Variants in CDH13 observed in about 807,000 individuals in gnomAD.
CDH13 encodes the protein cadherin-13.
CDH13 carries 24 observed loss-of-function variants against 63.8 expected under a neutral mutation model. The observed-to-expected ratio is 0.38, with a 90% CI of 0.27 to 0.53. CDH13 has a LOEUF of 0.53. Ranked by LOEUF, CDH13 falls within the 20% of genes least tolerant of loss-of-function variation. The pLI is 0.85. For synonymous variants in CDH13, 503 were observed against 355.3 expected, an observed-to-expected ratio of 1.42 and a Z score of -4.67; for missense variants, 1,049 against 903.1, an observed-to-expected ratio of 1.16 and a Z score of -2.07.
chr16:82,869,244 C>T (rs1411561104), intron 2 of CDH13, among the ~76,000 whole-genome samples: 3 of 152,098 alleles, frequency 2.0e-5, no homozygotes, highest in East Asian at 1.9e-4. Context: ...CAAAGTTTTG[C>T]CATGTTGGCC....
At chr16:83,542,494 C>A (rs1002114068) in intron 7 of CDH13, among the ~76,000 whole-genome samples, 3 of 152,224 alleles carry the variant, frequency 2.0e-5, no homozygotes, top group African/African-American at 7.2e-5. Flanking sequence ...TTCCCAGGTG[C>A]ATTCGTTTGC....
chr16:83,558,572 C>A (rs1037309594), intron 7 of CDH13, among the ~76,000 whole-genome samples: 4 of 152,156 alleles, frequency 2.6e-5, no homozygotes, highest in African/African-American at 9.7e-5. Flanking sequence ...TATTTAAAAT[C>A]TACATCTAGT....
chr16:83,596,141 A>G (rs530616413), intron 7 of CDH13, among the ~76,000 whole-genome samples: 1 of 152,316 alleles, frequency 6.6e-6, no homozygotes, highest in East Asian at 1.9e-4. Flanking sequence ...AATGGGGTTG[A>G]CCTTGATAAT....
At chr16:83,526,697 A>T (rs1334269346) in intron 7 of CDH13, among the ~76,000 whole-genome samples, 1 of 152,176 alleles carries the variant, frequency 6.6e-6, no homozygotes, top group African/African-American at 2.4e-5. Flanking sequence ...GCCACTGTTT[A>T]AACACTGACT....
chr16:83,693,900 A>G (rs186279318), intron 10 of CDH13, among the ~76,000 whole-genome samples: 1 of 152,340 alleles, frequency 6.6e-6, no homozygotes, highest in East Asian at 1.9e-4. Flanking sequence ...CTGTCACCCA[A>G]ACAAGTTTAG....
At chr16:83,199,742 T>C (rs1224805277) in intron 4 of CDH13, among the ~76,000 whole-genome samples, 1 of 152,170 alleles carries the variant, frequency 6.6e-6, no homozygotes, top group Non-Finnish European at 1.5e-5. Context: ...CACGGTACAA[T>C]GTGCTTTAGG....
chr16:83,734,695 C>T (rs1412303886), intron 10 of CDH13, among the ~76,000 whole-genome samples: 1 of 149,282 alleles, frequency 6.7e-6, no homozygotes, highest in Non-Finnish European at 1.5e-5. Context: ...AACTAACCTG[C>T]ACATTGTGCA....
At chr16:82,773,677 T>A (rs1030249239) in intron 1 of CDH13, among the ~76,000 whole-genome samples, 1 of 152,254 alleles carries the variant, frequency 6.6e-6, no homozygotes, top group African/African-American at 2.4e-5. Context: ...GTTACCATTA[T>A]GAAGTAACTG....
At chr16:83,190,364 A>T (rs1420582357) in intron 4 of CDH13, among the ~76,000 whole-genome samples, 1 of 152,184 alleles carries the variant, frequency 6.6e-6, no homozygotes, top group African/African-American at 2.4e-5. Flanking sequence ...ATCTATAGCT[A>T]CTGTCCTTCA....
chr16:82,756,151 A>C (rs149568707), intron 1 of CDH13, among the ~76,000 whole-genome samples: 220 of 152,308 alleles, frequency 1.4e-3, no homozygotes, highest in African/African-American at 5.0e-3. Flanking sequence ...GCTTGTAAAA[A>C]GTTGCATATT....
At chr16:83,039,458 C>A (rs1274943138) in intron 3 of CDH13, among the ~76,000 whole-genome samples, 1 of 152,182 alleles carries the variant, frequency 6.6e-6, no homozygotes, top group Non-Finnish European at 1.5e-5. Flanking sequence ...AGGATCTCCC[C>A]TACTGGTCTC....
chr16:82,822,543 C>A (rs2038051614), intron 1 of CDH13, among the ~76,000 whole-genome samples: 1 of 152,204 alleles, frequency 6.6e-6, no homozygotes, highest in African/African-American at 2.4e-5. Flanking sequence ...GTCACTCAGG[C>A]TGGAGTGCAG....
chr16:83,298,276 GAGAAA>G lies in CDH13; in HGVS notation c.637-46579_637-46575del, dbSNP rs1030199688. Among the ~76,000 whole-genome samples, 9 of 151,934 alleles carry G rather than the reference GAGAAA, an allele frequency of 5.9e-5. No individual in the cohort carries two copies. The East Asian group carries it at 1.8e-3, about 30-fold the overall frequency. ...GAGACAAAATGAGATGAGACGAGATGAGAAAAGAAAAAGAAAAGGGAAGAAGTGAG... is the reference window on the plus strand; with the variant it reads ...GAGACAAAATGAGATGAGACGAGATGAGAAAAAGAAAAGGGAAGAAGTGAG... On this transcript the variant is annotated intron_variant, in intron 5 of 13. Transcript: ENST00000567109.
At chr16:83,743,074 G>T (rs1325433947) in intron 10 of CDH13, among the ~76,000 whole-genome samples, 2 of 152,206 alleles carry the variant, frequency 1.3e-5, no homozygotes, top group South Asian at 2.1e-4. Context: ...AGGCATGGTG[G>T]CAGGTGCCTA....
chr16:83,514,768 C>T (rs1032265612), intron 7 of CDH13, among the ~76,000 whole-genome samples: 1 of 152,166 alleles, frequency 6.6e-6, no homozygotes, highest in Non-Finnish European at 1.5e-5. Flanking sequence ...TACCACGGGT[C>T]ACCAGCAAAC....
chr16:83,003,305 T>C (rs1053229355), intron 2 of CDH13, among the ~76,000 whole-genome samples: 1 of 152,134 alleles, frequency 6.6e-6, no homozygotes, highest in African/African-American at 2.4e-5. Flanking sequence ...CCATCTCTCA[T>C]GGTGTCTTCA....
intron 4 of CDH13, among the ~76,000 whole-genome samples, chr16:83,154,472 CAGG>C (rs1475949939): frequency 4.0e-5 from 6 of 150,848 alleles, no homozygotes; most frequent in Non-Finnish European, 8.8e-5. Context: ...GAGGCTGAGG[CAGG>C]AGAATTGCTT....
chr16:82,876,930 G>A (rs1226421234), intron 2 of CDH13, among the ~76,000 whole-genome samples: 3 of 152,156 alleles, frequency 2.0e-5, no homozygotes, highest in Non-Finnish European at 4.4e-5. Flanking sequence ...TATCTCAAGC[G>A]TCATTTAGGC....
chr16:83,577,908 AT>A (rs1437601223), intron 7 of CDH13, among the ~76,000 whole-genome samples: 25 of 152,316 alleles, frequency 1.6e-4, no homozygotes, highest in African/African-American at 5.8e-4. Context: ...GCTGTATATA[AT>A]TCTCCTGCTC....
Sources: gnomAD v4.1 joint callset for allele counts (sites outside exome capture counted in the v4.1 genomes callset) on GRCh38, gnomAD v4.1.1 for gene constraint, MANE v1.5 for transcripts, NCBI Gene and HGNC (gene_info 2026-07-23, HGNC 2026-07-21) for gene names.